SDHAF3: variants seen among roughly 807,000 people sequenced by gnomAD.
The protein encoded by SDHAF3 is succinate dehydrogenase assembly factor 3, mitochondrial.
SDHAF3 carries 18 observed loss-of-function variants against 11.5 expected under a neutral mutation model. That is an observed-to-expected ratio of 1.56 (90% CI 1.08 to 2.32). The LOEUF is 2.32. Ranked by LOEUF, SDHAF3 falls within the 30% of genes most tolerant of loss-of-function variation. The pLI, the probability that SDHAF3 is intolerant of heterozygous loss-of-function variation, is 0.00. For synonymous variants in SDHAF3, 72 were observed against 59.3 expected (o/e 1.21, Z -0.99); for missense variants, 200 against 154.4 (o/e 1.30, Z -1.57).
chr7:97,138,463 C>T (rs1363485528), intron 1 of SDHAF3, among the ~76,000 whole-genome samples: 1 of 152,108 alleles, frequency 6.6e-6, no homozygotes, highest in African/African-American at 2.4e-5. Flanking sequence ...ACTGCCCAGC[C>T]CTCATTGGCT....
At chr7:97,154,639 G>A (rs1419242248) in intron 1 of SDHAF3, among the ~76,000 whole-genome samples, 2 of 152,040 alleles carry the variant, frequency 1.3e-5, no homozygotes, top group African/African-American at 2.4e-5. Context: ...ATGAAACCCA[G>A]TTTATCATTT....
chr7:97,128,761 T>A (rs2115630592), intron 1 of SDHAF3, among the ~76,000 whole-genome samples: 1 of 152,344 alleles, frequency 6.6e-6, no homozygotes, highest in South Asian at 2.1e-4. Context: ...AAATGTAGTT[T>A]ATGGTTGCTT....
chr7:97,145,127 T>G (rs1205909804), intron 1 of SDHAF3, among the ~76,000 whole-genome samples: 1 of 151,950 alleles, frequency 6.6e-6, no homozygotes, highest in Non-Finnish European at 1.5e-5. Flanking sequence ...ATTGGTGTAT[T>G]GAAGAGCTAC....
In SDHAF3 at chr7:97,117,749, T is replaced by C. The variant is rs370361430; in HGVS notation, c.26T>C (p.Val9Ala). ...ATGCCGGGGCGGCACGTTTCTCGAG[T>C]CCGGGCATTGTACAAGCGCGTCTTG... MPGRHVSR[V>A]RALYKRVLQL... Residue 9 changes from valine (V) to alanine (A), a missense_variant, in exon 1 of 2, where the codon GTC (valine) becomes GCC (alanine). Coordinates refer to ENST00000432641, the MANE Select transcript of SDHAF3 (RefSeq NM_020186.3). 8.7e-6 allele frequency: 14 copies of C among 1,613,548 alleles called. No individual in the cohort carries two copies. Among genetic ancestry groups the C allele is most frequent in the Non-Finnish European group, 1.2e-5 (14 of 1,179,790 alleles).
At chr7:97,165,180 G>A (rs540007011) in intron 1 of SDHAF3, among the ~76,000 whole-genome samples, 13 of 152,156 alleles carry the variant, frequency 8.5e-5, no homozygotes, top group Admixed American at 7.2e-4. Context: ...CCAGCTACTC[G>A]GGAGGCTGAG....
chr7:97,140,406 C>T (rs993819733), intron 1 of SDHAF3, among the ~76,000 whole-genome samples: 3 of 129,396 alleles, frequency 2.3e-5, no homozygotes, highest in African/African-American at 9.1e-5. Flanking sequence ...AGGGCAGTGG[C>T]GTGATCTTGG....
intron 1 of SDHAF3, chr7:97,136,495 G>C (rs1262642107): frequency 1.6e-6 from 1 of 608,048 alleles, no homozygotes; most frequent in Non-Finnish European, 3.0e-6. Context: ...GATTATTTTA[G>C]TTCCACTTTT....
chr7:97,157,887 T>A (rs1789328608), intron 1 of SDHAF3, among the ~76,000 whole-genome samples: 1 of 142,580 alleles, frequency 7.0e-6, no homozygotes, highest in African/African-American at 2.6e-5. Context: ...CACCGCATGT[T>A]CTCACTCATA....
intron 1 of SDHAF3, among the ~76,000 whole-genome samples, chr7:97,177,160 A>G (rs1789690755): frequency 6.6e-6 from 1 of 152,000 alleles, no homozygotes; most frequent in Non-Finnish European, 1.5e-5. Context: ...AAGCTTCTTG[A>G]ATTTATTTTT....
intron 1 of SDHAF3, among the ~76,000 whole-genome samples, chr7:97,149,993 C>T (rs371932817): frequency 6.6e-6 from 1 of 152,222 alleles, no homozygotes; most frequent in African/African-American, 2.4e-5. Context: ...GCACTGTTCA[C>T]GCATCCTTGC....
intron 1 of SDHAF3, among the ~76,000 whole-genome samples, chr7:97,156,755 T>C (rs1260639943): frequency 1.3e-5 from 2 of 151,788 alleles, no homozygotes; most frequent in African/African-American, 4.8e-5. Flanking sequence ...ATGCTAAGGA[T>C]AATCTATAAA....
chr7:97,145,192 T>G (rs1229335458), intron 1 of SDHAF3, among the ~76,000 whole-genome samples: 2 of 152,094 alleles, frequency 1.3e-5, no homozygotes, highest in Non-Finnish European at 2.9e-5. Flanking sequence ...CCTTTATCAG[T>G]TCTAGGAGCT....
At chr7:97,138,537 T>A (rs962194194) in intron 1 of SDHAF3, among the ~76,000 whole-genome samples, 1 of 152,176 alleles carries the variant, frequency 6.6e-6, no homozygotes, top group Non-Finnish European at 1.5e-5. Flanking sequence ...AGAGATTACA[T>A]TTTAAATTTA....
intron 1 of SDHAF3, among the ~76,000 whole-genome samples, chr7:97,178,559 T>G (rs1789724825): frequency 6.6e-6 from 1 of 152,168 alleles, no homozygotes; most frequent in Non-Finnish European, 1.5e-5. Context: ...ATAGTAGACA[T>G]CTTAGGGTGA....
At chr7:97,173,386 C>G (rs1789634018) in intron 1 of SDHAF3, among the ~76,000 whole-genome samples, 1 of 152,116 alleles carries the variant, frequency 6.6e-6, no homozygotes, top group African/African-American at 2.4e-5. Flanking sequence ...CACTCGACTT[C>G]AACAGTTGTC....
intron 1 of SDHAF3, among the ~76,000 whole-genome samples, chr7:97,162,648 C>T (rs1291736904): frequency 6.6e-6 from 1 of 152,086 alleles, no homozygotes; most frequent in Non-Finnish European, 1.5e-5. Context: ...TTGTTATTTA[C>T]CCAGTAGTCA....
At chr7:97,131,726 C>T (rs1371377526) in intron 1 of SDHAF3, among the ~76,000 whole-genome samples, 12 of 152,068 alleles carry the variant, frequency 7.9e-5, no homozygotes, top group African/African-American at 2.7e-4. Flanking sequence ...ATGAAAAGAA[C>T]TTATTTAGCT....
intron 1 of SDHAF3, among the ~76,000 whole-genome samples, chr7:97,161,655 A>G (rs1378678785): frequency 1.3e-5 from 2 of 151,476 alleles, no homozygotes; most frequent in Non-Finnish European, 2.9e-5. Context: ...CTCCTTGTTC[A>G]TCTCCCACTT....
chr7:97,176,237 A>C (rs1172924399), intron 1 of SDHAF3, among the ~76,000 whole-genome samples: 1 of 152,164 alleles, frequency 6.6e-6, no homozygotes, highest in East Asian at 1.9e-4. Flanking sequence ...CATACTCAAA[A>C]GTGTCTCTCT....
Sources: allele counts gnomAD v4.1 joint callset (sites outside exome capture counted in the v4.1 genomes callset), GRCh38; gene constraint gnomAD v4.1.1; transcripts MANE v1.5; gene names NCBI Gene and HGNC (gene_info 2026-07-23, HGNC 2026-07-21).